Variants in HNRNPH1 observed in about 807,000 individuals in gnomAD.
The protein encoded by HNRNPH1 is heterogeneous nuclear ribonucleoprotein H1.
A neutral mutation model predicts 58.6 loss-of-function variants in HNRNPH1; 4 were observed. That is an observed-to-expected ratio of 0.07 (90% CI 0.03 to 0.16). The LOEUF is 0.16. Among genes scored for constraint, HNRNPH1 ranks in the 10% least tolerant of loss-of-function variants. The probability of loss-of-function intolerance (pLI) is 1.00; values close to 1 mark genes in which losing one functional copy is unlikely to be tolerated. For synonymous variants in HNRNPH1, 192 were observed against 189.2 expected (o/e 1.01, Z -0.12); for missense variants, 271 against 564.2 (o/e 0.48, Z 5.26).
intron 10 of HNRNPH1, chr5:179,616,556 A>T: frequency 2.0e-6 from 1 of 511,382 alleles, no homozygotes; most frequent in Middle Eastern, 5.2e-4. Context: ...GCATGTCAAT[A>T]CACCTAATTA....
At position 179,616,493 on chromosome 5, in the gene HNRNPH1, T is replaced by A. The variant is rs868421118; in HGVS notation, c.1208-275A>T. 16 of 527,628 alleles carry A rather than the reference T, an allele frequency of 3.0e-5. No individual in the cohort carries two copies. In the Middle Eastern group the frequency reaches 2.0e-3, roughly 67 times the overall value. 32.7% of individuals were successfully genotyped at this position (527,628 alleles called of 1,614,324 possible). On this transcript the variant is annotated intron_variant, in intron 10 of 12. Transcript: ENST00000356731. ...GTAGAGGCATTTTGTGAAGATCTTA[T>A]GAAACTGCTTGACTGGATTTAGTGG...
chr5:179,632,216 G>T (rs971434204), intron 2 of HNRNPH1, among the ~76,000 whole-genome samples: 27 of 152,172 alleles, frequency 1.8e-4, no homozygotes, highest in Admixed American at 1.4e-3. Flanking sequence ...GCTGAGGCAG[G>T]AGAATGGCGT....
chr5:179,616,282 G>A (rs1265644467), intron 10 of HNRNPH1, 64 bp from the exon 12 acceptor site: 7 of 1,243,406 alleles, frequency 5.6e-6, no homozygotes, highest in Admixed American at 5.0e-5. Context: ...GTGGTACCGG[G>A]CTTGTAATTC....
chr5:179,615,186 A>AT, intron 12 of HNRNPH1: 1 of 463,512 alleles, frequency 2.2e-6, no homozygotes, highest in Non-Finnish European at 3.8e-6. Flanking sequence ...ATTTTAACGG[A>AT]TTCTTCAGGA....
intron 4 of HNRNPH1, chr5:179,618,864 A>G (rs987541289): frequency 1.0e-4 from 16 of 159,678 alleles, no homozygotes; most frequent in Non-Finnish European, 1.8e-4. Context: ...AATACTATGC[A>G]GAATATTTAT....
chr5:179,620,198 C>T (rs7727256), intron 3 of HNRNPH1, among the ~76,000 whole-genome samples: 150,999 of 152,342 alleles, frequency 0.99, 74,854 homozygotes, highest in East Asian at 1. Flanking sequence ...AAAGGATTTC[C>T]TGCTTCCAGC....
chr5:179,629,914 A>G (rs1774697546), intron 2 of HNRNPH1, among the ~76,000 whole-genome samples: 1 of 152,040 alleles, frequency 6.6e-6, no homozygotes, highest in African/African-American at 2.4e-5. Flanking sequence ...AATCTCAGCT[A>G]CTTGGAGGCT....
upstream of HNRNPH1, among the ~76,000 whole-genome samples, chr5:179,626,900 C>G (rs1048504420): frequency 6.6e-6 from 1 of 151,516 alleles, no homozygotes; most frequent in African/African-American, 2.4e-5. Context: ...CTCAGCCTCC[C>G]GAGTAGAGTA....
chr5:179,619,185 A>G (rs1771167780), intron 4 of HNRNPH1, 84 bp downstream of exon 5: 2 of 1,230,162 alleles, frequency 1.6e-6, no homozygotes, highest in South Asian at 1.7e-5. Context: ...CAAAACATTA[A>G]TTTCTTCTTT....
chr5:179,615,466 C>T (rs943891426), intron 12 of HNRNPH1, 80 bp downstream of exon 13: 3 of 749,164 alleles, frequency 4.0e-6, no homozygotes, highest in Non-Finnish European at 6.7e-6. Flanking sequence ...AAGTCAGAGC[C>T]ATTGACTGCT....
rs183132589 is a variant in HNRNPH1 at position 179,620,799 on chromosome 5, A to C, written c.397+93T>G. 635 of 1,085,334 alleles carry C rather than the reference A, an allele frequency of 5.9e-4. 1 individual carries two copies. The highest frequency in any genetic ancestry group is 7.8e-4 in the Non-Finnish European group (569 of 731,552). 67.2% of individuals were successfully genotyped at this position (1,085,334 alleles called of 1,614,324 possible). On this transcript the variant is annotated intron_variant, in intron 3 of 12. Coordinates refer to ENST00000356731, the Ensembl canonical transcript of HNRNPH1. ...TTCATTGGCAATTTACAACCTACTG[A>C]AATACCTAAGCTACTCAACTTTAAC... is the stretch of plus-strand genomic sequence containing the variant.
intron 11 of HNRNPH1, chr5:179,615,925 T>TA (rs1159682331): frequency 7.3e-6 from 4 of 545,028 alleles, no homozygotes; most frequent in Non-Finnish European, 1.3e-5. Context: ...AATTAGCTAG[T>TA]AAAAACAGTT....
At chr5:179,622,201 C>G (rs900971791) in intron 1 of HNRNPH1, among the ~76,000 whole-genome samples, 3 of 152,126 alleles carry the variant, frequency 2.0e-5, no homozygotes, top group South Asian at 4.1e-4. Context: ...GATAAGAAAA[C>G]ACTCTTCAAT....
intron 10 of HNRNPH1, 72 bp downstream of exon 11, chr5:179,616,797 G>C: frequency 7.9e-7 from 1 of 1,267,828 alleles, no homozygotes; most frequent in Non-Finnish European, 1.1e-6. Flanking sequence ...TAAATAAATA[G>C]ATTAACTTAA....
chr5:179,622,141 T>A (rs1360530658), intron 1 of HNRNPH1, among the ~76,000 whole-genome samples: 1 of 152,180 alleles, frequency 6.6e-6, no homozygotes, highest in Non-Finnish European at 1.5e-5. Flanking sequence ...CAAAAACACT[T>A]CCCTGGGCTT....
At chr5:179,615,484 G>A in intron 12 of HNRNPH1, 62 bp downstream of exon 13, 1 of 907,386 alleles carries the variant, frequency 1.1e-6, no homozygotes, top group Non-Finnish European at 1.8e-6. Context: ...GCTATAGAAA[G>A]CATTATTACA....
chr5:179,618,536 ACTC>A, intron 4 of HNRNPH1: 2 of 410,474 alleles, frequency 4.9e-6, no homozygotes, highest in Non-Finnish European at 8.6e-6. Flanking sequence ...AAAAAAAAAA[ACTC>A]ACTCCTCTGA....
At chr5:179,625,507 A>T (rs1419025916), upstream of HNRNPH1, among the ~76,000 whole-genome samples, 2 of 151,142 alleles carry the variant, frequency 1.3e-5, no homozygotes, top group Non-Finnish European at 3.0e-5. Flanking sequence ...AAAAAAAAAA[A>T]ATTAGCCAGG....
At chr5:179,621,105 T>C (rs1772107604) in intron 2 of HNRNPH1, 70 bp from the exon 4 acceptor site, 19 of 1,554,782 alleles carry the variant, frequency 1.2e-5, no homozygotes, top group Non-Finnish European at 1.7e-5. Flanking sequence ...CCTGGGTCTT[T>C]AGATAAGCTA....
Sources: gnomAD v4.1 joint callset for allele counts (sites outside exome capture counted in the v4.1 genomes callset) on GRCh38, gnomAD v4.1.1 for gene constraint, MANE v1.5 for transcripts, NCBI Gene and HGNC (gene_info 2026-07-23, HGNC 2026-07-21) for gene names.